LRTM1: variants seen among roughly 807,000 people sequenced by gnomAD.
LRTM1 encodes the protein leucine rich repeat transmembrane protein 1.
LRTM1 carries 38 observed loss-of-function variants against 32.4 expected under a neutral mutation model. That is an observed-to-expected ratio of 1.17 (90% confidence interval 0.91 to 1.54). The LOEUF (loss-of-function observed/expected upper bound fraction) is 1.54, where lower values mean the gene tolerates loss of function less well. Among genes scored for constraint, LRTM1 ranks in the 40% most tolerant of loss-of-function variants. LRTM1 has a pLI of 0.00. For missense variants in LRTM1, 466 were observed against 415.4 expected (o/e 1.12, Z -1.06); for synonymous variants, 186 against 169.9 (o/e 1.09, Z -0.74).
At chr3:54,925,541 G>T (rs372365601) in intron 1 of LRTM1, among the ~76,000 whole-genome samples, 86 of 152,300 alleles carry the variant, frequency 5.6e-4, no homozygotes, top group African/African-American at 2.0e-3. Context: ...TGTATATGCC[G>T]TTTGTAGGCC....
chr3:54,921,704 G>T (rs1458710873), intron 2 of LRTM1, among the ~76,000 whole-genome samples: 2 of 152,062 alleles, frequency 1.3e-5, no homozygotes, highest in African/African-American at 2.4e-5. Flanking sequence ...GACCTTAGAG[G>T]CCACGTGATA....
chr3:54,964,952 A>G (rs1014877409), intron 1 of LRTM1, among the ~76,000 whole-genome samples: 3 of 151,892 alleles, frequency 2.0e-5, no homozygotes, highest in African/African-American at 7.3e-5. Flanking sequence ...TTTCCCTAGC[A>G]CTTCCTCTGC....
At chr3:54,951,339 A>C (rs1180789180) in intron 1 of LRTM1, among the ~76,000 whole-genome samples, 1 of 152,236 alleles carries the variant, frequency 6.6e-6, no homozygotes, top group Admixed American at 6.5e-5. Flanking sequence ...TCTCTCTTTC[A>C]CAGCACTATA....
In LRTM1 at chr3:54,964,716, C is replaced by T. The variant is rs112770515; in HGVS notation, c.-222+2212G>A. Among the ~76,000 whole-genome samples the T allele has an allele frequency of 8.8e-3, 1,335 of 152,144 alleles. 20 individuals are homozygous for T. The highest frequency in any genetic ancestry group is 0.031 in the African/African-American group (1,279 of 41,500). On this transcript the variant is annotated intron_variant, in intron 1 of 2. Transcript: ENST00000493075. Reference sequence around the variant, plus strand: ...AAGGAAGCTACACTTCTGTTTGTGGCTTGTGGCAGGTGATATTTGTTTTTC... The same window carrying T: ...AAGGAAGCTACACTTCTGTTTGTGGTTTGTGGCAGGTGATATTTGTTTTTC...
At chr3:54,928,126 A>G (rs569575736), upstream of LRTM1, 253 of 557,706 alleles carry the variant, frequency 4.5e-4, 2 homozygotes, top group East Asian at 7.2e-3. Flanking sequence ...GGCTGGGATC[A>G]GTTTCCATAA....
At chr3:54,926,621 TTGCTC>T (rs1298934750) in intron 1 of LRTM1, among the ~76,000 whole-genome samples, 9 of 152,264 alleles carry the variant, frequency 5.9e-5, no homozygotes, top group African/African-American at 2.2e-4. Flanking sequence ...ATTCTGCAAT[TTGCTC>T]TGTTCACTGA....
intron 1 of LRTM1, among the ~76,000 whole-genome samples, chr3:54,951,457 G>A (rs1394560179): frequency 6.6e-6 from 1 of 152,222 alleles, no homozygotes; most frequent in Admixed American, 6.5e-5. Flanking sequence ...TCTTTGGTGT[G>A]CGGCCCGGGG....
chr3:54,945,565 T>C (rs1316923857), intron 1 of LRTM1, among the ~76,000 whole-genome samples: 2 of 152,126 alleles, frequency 1.3e-5, no homozygotes, highest in African/African-American at 4.8e-5. Context: ...CTCCCACTTA[T>C]TAGCACCATA....
At chr3:54,961,049 C>G (rs1181243904) in intron 1 of LRTM1, among the ~76,000 whole-genome samples, 3 of 152,168 alleles carry the variant, frequency 2.0e-5, no homozygotes, top group African/African-American at 7.2e-5. Flanking sequence ...GTTCTACTTG[C>G]AGTTAACTGT....
intron 1 of LRTM1, among the ~76,000 whole-genome samples, chr3:54,947,832 C>G (rs1251830622): frequency 6.6e-6 from 1 of 152,136 alleles, no homozygotes; most frequent in East Asian, 1.9e-4. Flanking sequence ...CAGGAAGCAT[C>G]CATGTAAATG....
intron 1 of LRTM1, among the ~76,000 whole-genome samples, chr3:54,962,673 C>G (rs955609364): frequency 6.6e-6 from 1 of 152,182 alleles, no homozygotes; most frequent in Non-Finnish European, 1.5e-5. Flanking sequence ...GCAATCAGTT[C>G]TCGCAGCAAA....
At chr3:54,921,329 C>G (rs758358972) in intron 2 of LRTM1, among the ~76,000 whole-genome samples, 7 of 152,164 alleles carry the variant, frequency 4.6e-5, no homozygotes, top group Non-Finnish European at 8.8e-5. Flanking sequence ...TTAAAATTCA[C>G]TTCCCAAGAT....
chr3:54,957,082 A>G (rs565888132), intron 1 of LRTM1, among the ~76,000 whole-genome samples: 12 of 152,226 alleles, frequency 7.9e-5, no homozygotes, highest in Non-Finnish European at 1.3e-4. Context: ...AGAGGGCTTC[A>G]TAAATGGGAT....
chr3:54,925,117 A>C lies in LRTM1; in HGVS notation c.106T>G (p.Cys36Gly), dbSNP rs1439357408. Reference protein sequence around the residue: ...YCQSSTNFVDCSQQGLAEIPS... With the variant: ...YCQSSTNFVDGSQQGLAEIPS... Reference sequence around the variant, plus strand: ...ATTTCGGCCAGACCCTGCTGGCTGCAGTCTACAAAATTTGTAGATGACTGA... The same window carrying C: ...ATTTCGGCCAGACCCTGCTGGCTGCCGTCTACAAAATTTGTAGATGACTGA... The change falls in exon 2 of 3, where the codon TGC becomes GGC. Residue 36 changes from cysteine (C) to glycine (G), a missense_variant. Cys to Gly is a radical substitution (Grantham distance 159). Transcript: ENST00000273286. 2 of 1,614,170 alleles carry C rather than the reference A, an allele frequency of 1.2e-6. No individual in the cohort carries two copies. The highest frequency in any genetic ancestry group is 2.2e-5 in the South Asian group (2 of 91,074).
In LRTM1 at chr3:54,918,321, C is replaced by CTTTT. The variant is rs60257399; in HGVS notation, c.*134_*137dup. The stretch of plus-strand genomic sequence containing the variant: ...CCAGAAATATTTTTTACAGACACAT[C>CTTTT]TTTTTTTTTTCTTTTTTTTTTTTTT... On this transcript the variant is annotated 3_prime_UTR_variant, in exon 3 of 3. Coordinates refer to ENST00000273286, the MANE Select transcript of LRTM1 (RefSeq NM_020678.4). The CTTTT allele has an allele frequency of 2.6e-4, 101 of 394,420 alleles. 1 individual carries two copies. Among genetic ancestry groups the CTTTT allele is most frequent in the African/African-American group, 2.0e-3 (68 of 34,138 alleles). 24.4% of individuals were successfully genotyped at this position (394,420 alleles called of 1,614,324 possible).
chr3:54,963,155 A>G (rs1354699312), intron 1 of LRTM1, among the ~76,000 whole-genome samples: 4 of 152,282 alleles, frequency 2.6e-5, no homozygotes, highest in Middle Eastern at 6.8e-3. Flanking sequence ...TGATTTCTTT[A>G]GGGTTCATTC....
intron 1 of LRTM1, among the ~76,000 whole-genome samples, chr3:54,947,536 G>A (rs1701646000): frequency 1.3e-5 from 2 of 152,162 alleles, no homozygotes. Flanking sequence ...CTGTGGGTTA[G>A]CAGCATATAT....
Position 54,922,816 on chromosome 3 carries a change from C to T in LRTM1, c.604+1803G>A, listed in dbSNP as rs185740274. Among the ~76,000 whole-genome samples, 4 of 152,282 alleles carry T rather than the reference C, an allele frequency of 2.6e-5. No homozygotes were observed. The East Asian group carries it at 5.8e-4, about 22-fold the overall frequency. The stretch of plus-strand genomic sequence containing the variant: ...ATTGACCACCTCCCCAACACACTCA[C>T]TCACTCCCCCCAGTCCCCTCTTTGC... On this transcript the variant is annotated intron_variant, in intron 2 of 2. Coordinates refer to ENST00000273286, the MANE Select transcript of LRTM1 (RefSeq NM_020678.4).
intron 1 of LRTM1, among the ~76,000 whole-genome samples, chr3:54,958,070 G>C (rs1701944818): frequency 6.6e-6 from 1 of 152,210 alleles, no homozygotes; most frequent in Non-Finnish European, 1.5e-5. Context: ...GCCTGTGCTG[G>C]TAGCTTCTCT....
Sources: gnomAD v4.1 joint callset for allele counts (sites outside exome capture counted in the v4.1 genomes callset) on GRCh38, gnomAD v4.1.1 for gene constraint, MANE v1.5 for transcripts, NCBI Gene and HGNC (gene_info 2026-07-23, HGNC 2026-07-21) for gene names.